Variants in SLCO3A1 observed in about 807,000 individuals in gnomAD.
SLCO3A1 encodes the protein solute carrier organic anion transporter family member 3A1, also known as PGE1 transporter.
Under a neutral mutation model 63.1 loss-of-function variants are expected in SLCO3A1, and 27 were observed. That is an observed-to-expected ratio of 0.43 (90% CI 0.32 to 0.59). The LOEUF (loss-of-function observed/expected upper bound fraction) is 0.59, where lower values mean the gene tolerates loss of function less well. Among genes scored for constraint, SLCO3A1 ranks in the 20% least tolerant of loss-of-function variants. The pLI is 0.09. For missense variants in SLCO3A1, 773 were observed against 945.8 expected (o/e 0.82, Z 2.40); for synonymous variants, 473 against 409.9 (o/e 1.15, Z -1.86).
At chr15:92,050,029 T>C (rs1278337136) in intron 2 of SLCO3A1, among the ~76,000 whole-genome samples, 1 of 152,238 alleles carries the variant, frequency 6.6e-6, no homozygotes, top group Non-Finnish European at 1.5e-5. Context: ...ACCCTAGTGC[T>C]GTCTGAGATG....
chr15:92,144,052 G>A (rs779031189), intron 7 of SLCO3A1, among the ~76,000 whole-genome samples: 11 of 152,226 alleles, frequency 7.2e-5, no homozygotes, highest in Non-Finnish European at 1.5e-4. Flanking sequence ...GGGACAGGTC[G>A]GCGCCTTCCG....
At position 92,165,349 on chromosome 15, in the gene SLCO3A1, A is replaced by C. The variant is rs2048485222; in HGVS notation, c.*2214A>C. Reference sequence around the variant, plus strand: ...AAAATATGTATGTTCTGTTGTTCCTAAGGCTTTGATAATATCCTGTACAGA... The same window carrying C: ...AAAATATGTATGTTCTGTTGTTCCTCAGGCTTTGATAATATCCTGTACAGA... On this transcript the variant is annotated 3_prime_UTR_variant, in exon 10 of 10. Coordinates refer to ENST00000318445, the MANE Select transcript of SLCO3A1 (RefSeq NM_013272.4). 1 of 985,216 alleles carries C rather than the reference A, an allele frequency of 1.0e-6. No individual in the cohort carries two copies. The highest frequency in any genetic ancestry group is 6.1e-5 in the Admixed American group (1 of 16,296). 61.0% of individuals were successfully genotyped at this position (985,216 alleles called of 1,614,324 possible).
chr15:92,100,988 T>G (rs2047598184), intron 3 of SLCO3A1, among the ~76,000 whole-genome samples: 1 of 152,198 alleles, frequency 6.6e-6, no homozygotes, highest in Non-Finnish European at 1.5e-5. Flanking sequence ...TGGCTTATAG[T>G]TACACCTAAC....
intron 2 of SLCO3A1, among the ~76,000 whole-genome samples, chr15:92,085,778 C>T (rs145762435): frequency 6.6e-6 from 1 of 152,312 alleles, no homozygotes; most frequent in East Asian, 1.9e-4. Flanking sequence ...CCCAAGGACC[C>T]TCCCTTCCCC....
At chr15:92,068,174 C>CAGGCGTG (rs1409273072) in intron 2 of SLCO3A1, among the ~76,000 whole-genome samples, 1 of 152,196 alleles carries the variant, frequency 6.6e-6, no homozygotes, top group African/African-American at 2.4e-5. Context: ...TCAGATGGTG[C>CAGGCGTG]AGGCGTGATA....
chr15:92,090,506 G>A (rs1429396988), intron 2 of SLCO3A1, among the ~76,000 whole-genome samples: 1 of 152,204 alleles, frequency 6.6e-6, no homozygotes, highest in Non-Finnish European at 1.5e-5. Context: ...TCATCCCTGG[G>A]AGGTCGGGCT....
chr15:91,999,502 C>G (rs896930889), intron 2 of SLCO3A1, among the ~76,000 whole-genome samples: 9 of 152,150 alleles, frequency 5.9e-5, no homozygotes, highest in Admixed American at 2.6e-4. Context: ...ACATGCGCAA[C>G]CTCACTAGTA....
chr15:92,063,193 G>A (rs1316800605), intron 2 of SLCO3A1, among the ~76,000 whole-genome samples: 1 of 152,240 alleles, frequency 6.6e-6, no homozygotes, highest in Non-Finnish European at 1.5e-5. Context: ...ACATGGTCAT[G>A]TTAACTGAGA....
At chr15:92,072,585 A>C (rs1162806653) in intron 2 of SLCO3A1, among the ~76,000 whole-genome samples, 1 of 152,234 alleles carries the variant, frequency 6.6e-6, no homozygotes, top group Non-Finnish European at 1.5e-5. Flanking sequence ...CAAGCTTATT[A>C]TCTTATGGTT....
intron 1 of SLCO3A1, among the ~76,000 whole-genome samples, chr15:91,898,079 A>ACC (rs758617001): frequency 2.0e-5 from 3 of 152,170 alleles, no homozygotes; most frequent in Non-Finnish European, 4.4e-5. Context: ...GACCCAGTTA[A>ACC]CATTATAGGG....
chr15:91,987,626 C>G (rs2046070570), intron 2 of SLCO3A1, among the ~76,000 whole-genome samples: 2 of 151,840 alleles, frequency 1.3e-5, no homozygotes, highest in South Asian at 4.2e-4. Context: ...ACCTGTAACC[C>G]CAGCTGCTAG....
rs1381132702 is a variant in SLCO3A1 at position 92,033,139 on chromosome 15, A to G, written c.647-61742A>G. Among the ~76,000 whole-genome samples the G allele has an allele frequency of 6.6e-6, 1 of 152,200 alleles. No individual in the cohort carries two copies. ...ATTTACCAAAGAATCTCACGTGTAAAAAAAACAAAAGAACTCCATGGATGG... is the reference window on the plus strand; with the variant it reads ...ATTTACCAAAGAATCTCACGTGTAAGAAAAACAAAAGAACTCCATGGATGG... On this transcript the variant is annotated intron_variant, in intron 2 of 9. Transcript: ENST00000318445. The surrounding 1 kb of genome is among the most constrained non-coding windows in gnomAD (Gnocchi z 4.5).
intron 2 of SLCO3A1, among the ~76,000 whole-genome samples, chr15:92,047,815 T>A (rs749235879): frequency 6.6e-6 from 1 of 150,770 alleles, no homozygotes; most frequent in Non-Finnish European, 1.5e-5. Context: ...CTTGAGCCTC[T>A]TCCTGCTCAG....
intron 5 of SLCO3A1, 34 bp downstream of exon 5, chr15:92,120,663 G>A (rs756298974): frequency 1.9e-6 from 3 of 1,602,936 alleles, no homozygotes; most frequent in Non-Finnish European, 1.7e-6. Flanking sequence ...GAGAGGGTCG[G>A]GGGAGGGTGT....
At chr15:92,066,993 G>C (rs1248371228) in intron 2 of SLCO3A1, among the ~76,000 whole-genome samples, 6 of 152,188 alleles carry the variant, frequency 3.9e-5, no homozygotes, top group Non-Finnish European at 8.8e-5. Context: ...GGGTGTCTCA[G>C]GGAGTCTTCT....
Position 92,004,456 on chromosome 15 carries a change from A to C in SLCO3A1, c.646+87998A>C, listed in dbSNP as rs746153478. Among the ~76,000 whole-genome samples the C allele has an allele frequency of 9.2e-5, 14 of 152,244 alleles. 1 individual carries two copies. The highest frequency in any genetic ancestry group is 2.1e-4 in the Non-Finnish European group (14 of 68,040). ...GGCAGTGATGACAATGATGATGACT[A>C]TCCGTGGAGAGGGGAGTGGTTTTAG... is the stretch of plus-strand genomic sequence containing the variant. On this transcript the variant is annotated intron_variant, in intron 2 of 9. Coordinates refer to ENST00000318445, the MANE Select transcript of SLCO3A1 (RefSeq NM_013272.4).
At chr15:91,944,658 A>C (rs1899739600) in intron 2 of SLCO3A1, among the ~76,000 whole-genome samples, 1 of 151,898 alleles carries the variant, frequency 6.6e-6, no homozygotes, top group Non-Finnish European at 1.5e-5. Flanking sequence ...AGTCAGAGTA[A>C]TCCTTCCCAC....
intron 2 of SLCO3A1, among the ~76,000 whole-genome samples, chr15:92,042,131 G>A (rs1408206102): frequency 1.3e-5 from 2 of 152,052 alleles, no homozygotes; most frequent in African/African-American, 4.8e-5. Flanking sequence ...TCAGCCAGAT[G>A]GTTTCAGTAG....
intron 2 of SLCO3A1, among the ~76,000 whole-genome samples, chr15:91,975,717 C>T (rs1011461104): frequency 3.9e-5 from 6 of 152,218 alleles, no homozygotes; most frequent in South Asian, 2.1e-4. Flanking sequence ...CTCCTTCCTA[C>T]GCCTCCACCT....
Sources: gnomAD v4.1 joint callset for allele counts (sites outside exome capture counted in the v4.1 genomes callset) on GRCh38, gnomAD v4.1.1 for gene constraint, Gnocchi (gnomAD v3.1) non-coding constraint, MANE v1.5 for transcripts, NCBI Gene and HGNC (gene_info 2026-07-23, HGNC 2026-07-21) for gene names.